The following AIFM3 variants were observed in gnomAD, a reference collection of about 807,000 sequenced individuals.
The protein encoded by AIFM3 is AIF family member 3, also known as apoptosis-inducing factor 3.
Under a neutral mutation model 82.7 loss-of-function variants are expected in AIFM3, and 71 were observed. The observed-to-expected ratio is 0.86, with a 90% confidence interval of 0.71 to 1.05. The LOEUF (loss-of-function observed/expected upper bound fraction) is 1.05, where lower values mean the gene tolerates loss of function less well. AIFM3 is among the 50% of genes least tolerant of loss of function. The pLI, the probability that AIFM3 is intolerant of heterozygous loss-of-function variation, is 0.00. For synonymous variants in AIFM3, 337 were observed against 329.1 expected, an observed-to-expected ratio of 1.02 and a Z score of -0.26; for missense variants, 748 against 816.7, an observed-to-expected ratio of 0.92 and a Z score of 1.03.
chr22:20,974,037 C>T (rs373337824), intron 4 of AIFM3, 26 bp from the exon 5 acceptor site: 31 of 1,579,838 alleles, frequency 2.0e-5, no homozygotes, highest in African/African-American at 1.5e-4. Flanking sequence ...TGCTGGTGGG[C>T]GCAGCCTAAC....
At chr22:20,969,413 G>T (rs930252154) in intron 2 of AIFM3, among the ~76,000 whole-genome samples, 1 of 152,008 alleles carries the variant, frequency 6.6e-6, no homozygotes, top group Non-Finnish European at 1.5e-5. Context: ...ATGAGGGCCT[G>T]GCACACCAGA....
chr22:20,975,866 T>C (rs1454788236), intron 9 of AIFM3, 88 bp downstream of exon 9: 1 of 1,440,076 alleles, frequency 6.9e-7, no homozygotes, highest in Non-Finnish European at 9.6e-7. Context: ...GTCTTGGTGC[T>C]CTACCTTCCT....
chr22:20,968,998 T>A (rs1272970657), intron 2 of AIFM3, among the ~76,000 whole-genome samples: 1 of 152,172 alleles, frequency 6.6e-6, no homozygotes, highest in Admixed American at 6.5e-5. Context: ...AAGAAGCCAC[T>A]CTTCCTCCCC....
At chr22:20,980,639 C>G in intron 19 of AIFM3, 108 bp from the exon 20 acceptor site, 2 of 1,478,008 alleles carry the variant, frequency 1.4e-6, no homozygotes, top group Non-Finnish European at 1.9e-6. Flanking sequence ...GGCTATGAGA[C>G]AGGGGCAGGC....
chr22:20,968,071 C>T, intron 2 of AIFM3, 96 bp downstream of exon 2: 3 of 1,347,766 alleles, frequency 2.2e-6, no homozygotes, highest in Non-Finnish European at 3.1e-6. Flanking sequence ...GGTAGGCCTC[C>T]GAAGTAGGTC....
In AIFM3 at chr22:20,976,447, C is replaced by G. The variant is rs766601469; in HGVS notation, c.939C>G (p.Asn313Lys). Reference protein sequence around the residue: ...TLSCKGKEVENVFTIRTPEDA... With the variant: ...TLSCKGKEVEKVFTIRTPEDA... ...GCTGCAAAGGCAAAGAAGTGGAGAA[C>G]GTGTTCACTATCCGGACGCCAGAGG... is the stretch of plus-strand genomic sequence containing the variant. The change falls in exon 11 of 21, where the codon AAC (asparagine) becomes AAG (lysine). Residue 313 changes from asparagine to lysine, a missense_variant. By Grantham distance (94) the Asn-to-Lys change is moderately conservative. Around this residue, in one of 5 missense-constraint regions of AIFM3, gnomAD observed 393 missense variants for 481.1 expected, o/e 0.82. Coordinates refer to ENST00000440238, the MANE Select transcript of AIFM3 (RefSeq NM_001386814.1). 1 of 1,613,964 alleles carries G rather than the reference C, an allele frequency of 6.2e-7. No homozygotes were observed. Among genetic ancestry groups the G allele is most frequent in the African/African-American group, 1.3e-5 (1 of 74,932 alleles).
chr22:20,973,959 G>A lies in AIFM3; in HGVS notation c.355+92G>A, dbSNP rs760222060. 3.0e-4 allele frequency: 448 copies of A among 1,469,114 alleles called. 1 individual carries two copies. Among genetic ancestry groups the A allele is most frequent in the Non-Finnish European group, 3.8e-4 (421 of 1,095,696 alleles). 91.0% of individuals were successfully genotyped at this position (1,469,114 alleles called of 1,614,324 possible). On this transcript the variant is annotated intron_variant, in intron 4 of 20. Transcript: ENST00000440238. ...GACCCCAGGATCTTCATCTATTAGT[G>A]AAGTCTCCTGGGCTGTGGGGAGGGG...
chr22:20,967,714 T>C, intron 1 of AIFM3, 91 bp from the exon 2 acceptor site: 1 of 589,674 alleles, frequency 1.7e-6, no homozygotes, highest in East Asian at 2.8e-5. Flanking sequence ...AATGTAAGAC[T>C]CTTTCCGAAG....
chr22:20,972,181 G>A, intron 2 of AIFM3, among the ~76,000 whole-genome samples: 2 of 152,274 alleles, frequency 1.3e-5, no homozygotes, highest in Middle Eastern at 6.8e-3. Flanking sequence ...GAAGCGGGTG[G>A]ATCACCTGAG....
At chr22:20,974,472 G>A (rs1002942426) in intron 6 of AIFM3, 53 bp from the exon 7 acceptor site, 46 of 1,578,920 alleles carry the variant, frequency 2.9e-5, no homozygotes, top group Non-Finnish European at 3.9e-5. Flanking sequence ...TGCCTGCCAG[G>A]ATGATGGCAT....
At position 20,974,386 on chromosome 22, in the gene AIFM3, G is replaced by A. The variant is rs1923490920; in HGVS notation, c.510+90G>A. The A allele has an allele frequency of 1.9e-6, 3 of 1,574,306 alleles. No homozygotes were observed. In the South Asian group the frequency reaches 3.5e-5, roughly 18 times the overall value. On this transcript the variant is annotated intron_variant, in intron 6 of 20. Coordinates refer to ENST00000440238, the MANE Select transcript of AIFM3 (RefSeq NM_001386814.1). The stretch of plus-strand genomic sequence containing the variant: ...TGCCATGTGCAAAGCCCTGTGGTGG[G>A]AGGAGCTTGGCACGTGTCACTGGAG...
intron 8 of AIFM3, among the ~76,000 whole-genome samples, 172 bp downstream of exon 8, chr22:20,974,988 G>A (rs987031053): frequency 1.3e-5 from 2 of 152,118 alleles, no homozygotes; most frequent in African/African-American, 4.8e-5. Context: ...TTTGAGACAG[G>A]GTCTCACTCT....
At chr22:20,965,660 G>T (rs987974940), upstream of AIFM3, among the ~76,000 whole-genome samples, 2 of 152,132 alleles carry the variant, frequency 1.3e-5, no homozygotes, top group Admixed American at 6.5e-5. Flanking sequence ...CCCCTAGGAC[G>T]CCTGGAAGCC....
rs1225733251 is a variant in AIFM3 at position 20,973,774 on chromosome 22, C to G, written c.262C>G (p.Leu88Val). Residue 88 changes from leucine (L) to valine (V), a missense_variant, in exon 4 of 21, where the codon CTG becomes GTG. Leu to Val is a conservative substitution (Grantham distance 32, BLOSUM62 1). This residue lies in a region of AIFM3 where 148 missense variants were observed against 134.1 expected (regional missense o/e 1.10). Coordinates refer to ENST00000440238, the MANE Select transcript of AIFM3 (RefSeq NM_001386814.1). The stretch of plus-strand genomic sequence containing the variant: ...GTTCCCCAGGATGCGGGAAGTGGAG[C>G]TGGGCTGGGGGAAGGTGTTGCTGGT... ...LENGQMREVE[L>V]GWGKVLLVKD... 1.3e-6 allele frequency: 2 copies of G among 1,571,924 alleles called. No homozygotes were observed. The highest frequency in any genetic ancestry group is 2.7e-5 in the African/African-American group (2 of 74,166).
chr22:20,965,591 TGG>T (rs1162811913), upstream of AIFM3: 3 of 151,336 alleles, frequency 2.0e-5, no homozygotes, highest in Admixed American at 6.6e-5. Context: ...CTGAGCTCCG[TGG>T]GGGAGGGGAG....
At chr22:20,979,951 G>A in intron 18 of AIFM3, 69 bp from the exon 19 acceptor site, 1 of 1,438,832 alleles carries the variant, frequency 7.0e-7, no homozygotes. Context: ...ATGGACAGCA[G>A]TGCATCAGGG....
At chr22:20,967,780 CT>C (rs1922993062) in intron 1 of AIFM3, 24 bp from the exon 2 acceptor site, 29 of 698,896 alleles carry the variant, frequency 4.1e-5, no homozygotes, top group Non-Finnish European at 6.6e-5. Context: ...CGCCCCGGTC[CT>C]GATGGCTCCA....
rs1923344127 is a variant in AIFM3 at position 20,972,644 on chromosome 22, G to GC, written c.32-662dup. 3.9e-5 allele frequency among the ~76,000 whole-genome samples: 6 copies of GC among 152,112 alleles called. No homozygotes were observed. In the South Asian group the frequency reaches 1.2e-3, roughly 31 times the overall value. On this transcript the variant is annotated intron_variant, in intron 2 of 20. Coordinates refer to ENST00000440238, the MANE Select transcript of AIFM3 (RefSeq NM_001386814.1). ...ACATTGTCATTGTCCATCAGAAGAT[G>GC]CAGGACTGTAGGGCCTCAGGGTTCT...
At chr22:20,976,337 A>G in intron 10 of AIFM3, 31 bp downstream of exon 10, 4 of 1,613,728 alleles carry the variant, frequency 2.5e-6, no homozygotes, top group South Asian at 1.1e-5. Flanking sequence ...CCCATCGGAC[A>G]CTAGGCAGGG....
Sources: allele counts gnomAD v4.1 joint callset (sites outside exome capture counted in the v4.1 genomes callset), GRCh38; gene constraint gnomAD v4.1.1; regional missense constraint gnomAD v4.1.1; transcripts MANE v1.5; gene names NCBI Gene and HGNC (gene_info 2026-07-23, HGNC 2026-07-21).